The following SAMM50 variants were observed in gnomAD, a reference collection of about 807,000 sequenced individuals.
SAMM50 encodes the protein SAMM50 sorting and assembly machinery component.
SAMM50 carries 47 observed loss-of-function variants against 66.9 expected under a neutral mutation model. That is an observed-to-expected ratio of 0.70 (90% CI 0.56 to 0.90). SAMM50 has a LOEUF of 0.90. Among genes scored for constraint, SAMM50 ranks in the 40% least tolerant of loss-of-function variants. The pLI, the probability that SAMM50 is intolerant of heterozygous loss-of-function variation, is 0.00. For synonymous variants in SAMM50, 191 were observed against 214.1 expected, an observed-to-expected ratio of 0.89 and a Z score of 0.94; for missense variants, 535 against 595.3, an observed-to-expected ratio of 0.90 and a Z score of 1.05.
In SAMM50 at chr22:43,955,503, C is replaced by T. The variant is rs1034713540; in HGVS notation, c.-75C>T. 13 of 1,534,146 alleles carry T rather than the reference C, an allele frequency of 8.5e-6. No homozygotes were observed. In the African/African-American group the frequency reaches 1.8e-4, roughly 21 times the overall value. ...GACCTGCAGCTCCGCCACCGCGGACCCGCCTTCTGCCCTCAGCAGCAGACG... is the reference window on the plus strand; with the variant it reads ...GACCTGCAGCTCCGCCACCGCGGACTCGCCTTCTGCCCTCAGCAGCAGACG... On this transcript the variant is annotated 5_prime_UTR_variant, in exon 1 of 15. Coordinates refer to ENST00000350028, the MANE Select transcript of SAMM50 (RefSeq NM_015380.5).
chr22:43,995,881 T>A (rs1603420836), intron 14 of SAMM50, among the ~76,000 whole-genome samples: 1 of 152,184 alleles, frequency 6.6e-6, no homozygotes, highest in South Asian at 2.1e-4. Context: ...GCTAAACCCC[T>A]GTAGGGCTGT....
rs969818874 is a variant in SAMM50 at position 43,967,172 on chromosome 22, C to T, written c.235-1559C>T. 3.3e-5 allele frequency among the ~76,000 whole-genome samples: 5 copies of T among 152,312 alleles called. No homozygotes were observed. The South Asian group carries it at 1.0e-3, about 32-fold the overall frequency. On this transcript the variant is annotated intron_variant, in intron 3 of 14. Coordinates refer to ENST00000350028, the MANE Select transcript of SAMM50 (RefSeq NM_015380.5). ...CTCCTGGGTCATCTCATCCACATCCCAGGTTTCAGTTACAGCCTGAATGCG... is the reference window on the plus strand; with the variant it reads ...CTCCTGGGTCATCTCATCCACATCCTAGGTTTCAGTTACAGCCTGAATGCG...
At chr22:43,984,127 A>G in intron 12 of SAMM50, 127 bp downstream of exon 12, 1 of 737,786 alleles carries the variant, frequency 1.4e-6, no homozygotes, top group Non-Finnish European at 2.2e-6. Flanking sequence ...TTAGCACCTA[A>G]CACAGAACTT....
At chr22:43,965,270 A>G (rs1464772173) in intron 3 of SAMM50, among the ~76,000 whole-genome samples, 2 of 151,906 alleles carry the variant, frequency 1.3e-5, no homozygotes, top group South Asian at 2.1e-4. Flanking sequence ...CAGTGACACA[A>G]TCTCAGCTCA....
At chr22:43,969,246 G>C (rs2050191215) in intron 4 of SAMM50, among the ~76,000 whole-genome samples, 1 of 152,224 alleles carries the variant, frequency 6.6e-6, no homozygotes, top group African/African-American at 2.4e-5. Context: ...GCCCAGCACT[G>C]TGCAGACCCC....
At position 43,967,718 on chromosome 22, in the gene SAMM50, C is replaced by G. The variant is rs566044375; in HGVS notation, c.235-1013C>G. Among the ~76,000 whole-genome samples the G allele has an allele frequency of 2.3e-5, 3 of 129,964 alleles. No individual in the cohort carries two copies. The South Asian group carries it at 8.5e-4, about 37-fold the overall frequency. The allele number at this position is 129,964 out of a possible 152,430, so 85.3% of individuals were successfully genotyped here. On this transcript the variant is annotated intron_variant, in intron 3 of 14. Coordinates refer to ENST00000350028, the MANE Select transcript of SAMM50 (RefSeq NM_015380.5). ...TGTGATCCTTTCTGTCTCCTGCTGA[C>G]AGTTCTACAGTGACTCCCTTTCACC...
Position 43,989,252 on chromosome 22 carries a change from A to G in SAMM50, c.1217A>G (p.Asn406Ser), listed in dbSNP as rs1017479356. The change falls in exon 13 of 15, where the codon AAC becomes AGC. Residue 406 changes from asparagine (N) to serine (S), a missense_variant. Coordinates refer to ENST00000350028, the MANE Select transcript of SAMM50 (RefSeq NM_015380.5). ...AACGCAGGAAACCTCTGCAACCTCA[A>G]CTATGGTAAAACTTGCGCTATTCAA... ...FLNAGNLCNL[N>S]YGEGPKAHIR... is the part of the protein sequence containing the mutation. 4 of 1,613,958 alleles carry G rather than the reference A, an allele frequency of 2.5e-6. No individual in the cohort carries two copies. Among genetic ancestry groups the G allele is most frequent in the Non-Finnish European group, 8.5e-7 (1 of 1,179,968 alleles).
intron 7 of SAMM50, 39 bp from the exon 8 acceptor site, chr22:43,976,010 CTAAGTA>C (rs755716324): frequency 6.4e-7 from 1 of 1,561,436 alleles, no homozygotes; most frequent in East Asian, 2.3e-5. Context: ...CAACAAGTTC[CTAAGTA>C]TGTGTGGTCC....
At chr22:43,987,381 T>A (rs958075119) in intron 12 of SAMM50, 6 of 152,106 alleles carry the variant, frequency 3.9e-5, no homozygotes, top group Non-Finnish European at 8.8e-5. Flanking sequence ...ATGGCATGAG[T>A]AAATCTCAGA....
intron 4 of SAMM50, among the ~76,000 whole-genome samples, chr22:43,970,560 G>A (rs954232580): frequency 6.6e-6 from 1 of 152,202 alleles, no homozygotes; most frequent in African/African-American, 2.4e-5. Context: ...CCACACCTAG[G>A]TGCAGGGGAG....
chr22:43,991,039 C>T (rs1382725619), intron 14 of SAMM50, among the ~76,000 whole-genome samples: 2 of 151,242 alleles, frequency 1.3e-5, no homozygotes, highest in Non-Finnish European at 2.9e-5. Flanking sequence ...TGCAATAGCA[C>T]GATCTTGGCT....
At chr22:43,972,095 G>A (rs979925962) in intron 4 of SAMM50, 141 bp from the exon 5 acceptor site, 4 of 544,952 alleles carry the variant, frequency 7.3e-6, no homozygotes, top group African/African-American at 1.9e-5. Context: ...GTTCTTAAAC[G>A]TTTCTCATGA....
chr22:43,988,644 C>T (rs1363660687), intron 12 of SAMM50: 1 of 153,126 alleles, frequency 6.5e-6, no homozygotes, highest in Non-Finnish European at 1.5e-5. Flanking sequence ...TGGCAGGCAG[C>T]CTCTGCCTTT....
In SAMM50 at chr22:43,964,437, C is replaced by G; in HGVS notation, c.133-15C>G. ...CCTCATGTCATCCCTAATACTGTCCCTGTGTGACTTTTAGGTGGTTGTTCA... is the reference window on the plus strand; with the variant it reads ...CCTCATGTCATCCCTAATACTGTCCGTGTGTGACTTTTAGGTGGTTGTTCA... On this transcript the variant is annotated splice_polypyrimidine_tract_variant and intron_variant, in intron 2 of 14. Coordinates refer to ENST00000350028, the MANE Select transcript of SAMM50 (RefSeq NM_015380.5). 1 of 1,446,152 alleles carries G rather than the reference C, an allele frequency of 6.9e-7. No homozygotes were observed. Among genetic ancestry groups the G allele is most frequent in the African/African-American group, 1.4e-5 (1 of 71,838 alleles). 89.6% of individuals were successfully genotyped at this position (1,446,152 alleles called of 1,614,324 possible).
intron 7 of SAMM50, 192 bp from the exon 8 acceptor site, chr22:43,975,863 T>A (rs1468464624): frequency 2.7e-5 from 16 of 587,926 alleles, no homozygotes; most frequent in Non-Finnish European, 4.8e-5. Flanking sequence ...CTTTCCCCCT[T>A]TCTTCCTTTG....
intron 1 of SAMM50, among the ~76,000 whole-genome samples, chr22:43,962,914 T>A (rs947629344): frequency 2.5e-4 from 35 of 137,322 alleles, no homozygotes; most frequent in African/African-American, 9.6e-4. Context: ...TTTTTTTTTT[T>A]AGAGATGGGG....
Position 43,973,274 on chromosome 22 carries a change from C to T in SAMM50, c.599C>T (p.Pro200Leu), listed in dbSNP as rs2050213565. The T allele has an allele frequency of 6.2e-7, 1 of 1,608,938 alleles. No homozygotes were observed. Among genetic ancestry groups the T allele is most frequent in the Admixed American group, 1.7e-5 (1 of 60,026 alleles). ...TTATATAAAGTTACTGGACAGTTCCCTTGGAGCTCACTGCGGGAGACGGAC... is the reference window on the plus strand; with the variant it reads ...TTATATAAAGTTACTGGACAGTTCCTTTGGAGCTCACTGCGGGAGACGGAC... ...VNLYKVTGQF[P>L]WSSLRETDRG... The change falls in exon 7 of 15, where the codon CCT becomes CTT. Residue 200 changes from proline (P) to leucine (L), a missense_variant. By Grantham distance (98) the Pro-to-Leu change is moderately conservative (BLOSUM62 -3). Transcript: ENST00000350028.
At chr22:43,969,088 G>A (rs1185378599) in intron 4 of SAMM50, among the ~76,000 whole-genome samples, 3 of 152,190 alleles carry the variant, frequency 2.0e-5, no homozygotes, top group Non-Finnish European at 4.4e-5. Context: ...CTCCTGAGTA[G>A]CTGGGCTTAC....
chr22:43,957,226 TG>T, intron 1 of SAMM50: 1 of 668,390 alleles, frequency 1.5e-6, no homozygotes, highest in Non-Finnish European at 2.8e-6. Context: ...CAGAGTAATC[TG>T]GGGAAAGGTA....
Sources: allele counts gnomAD v4.1 joint callset (sites outside exome capture counted in the v4.1 genomes callset), GRCh38; gene constraint gnomAD v4.1.1; transcripts MANE v1.5; gene names NCBI Gene and HGNC (gene_info 2026-07-23, HGNC 2026-07-21).